The following NRG1 variants were observed in gnomAD, a reference collection of about 807,000 sequenced individuals.
The protein encoded by NRG1 is neuregulin 1, also known as pro-neuregulin-1, membrane-bound isoform.
A neutral mutation model predicts 63.8 loss-of-function variants in NRG1; 18 were observed. The ratio of observed to expected loss-of-function variants is 0.28; its 90% CI spans 0.19 to 0.42. The LOEUF is 0.42. Ranked by LOEUF, NRG1 falls within the 10% of genes least tolerant of loss-of-function variation. The pLI is 1.00. For synonymous variants in NRG1, 302 were observed against 301.3 expected (o/e 1.00, Z -0.02); for missense variants, 762 against 814.7 (o/e 0.94, Z 0.79).
At chr8:32,771,123 T>C (rs1348272033), downstream of NRG1, among the ~76,000 whole-genome samples, 1 of 152,090 alleles carries the variant, frequency 6.6e-6, no homozygotes, top group Non-Finnish European at 1.5e-5. Flanking sequence ...TTTGGTTTTG[T>C]TTTCTGAGAC....
intron 1 of NRG1, among the ~76,000 whole-genome samples, chr8:31,928,127 G>A (rs1042119627): frequency 2.0e-5 from 3 of 151,472 alleles, no homozygotes; most frequent in African/African-American, 7.3e-5. Context: ...AGCAGGATAT[G>A]GTTGTGTGAC....
rs575750756 is a variant in NRG1 at position 32,253,301 on chromosome 8, T to C, written c.38-342527T>C. 9.2e-5 allele frequency among the ~76,000 whole-genome samples: 14 copies of C among 152,310 alleles called. No homozygotes were observed. In the Middle Eastern group the frequency reaches 0.01, roughly 111 times the overall value. On this transcript the variant is annotated intron_variant, in intron 1 of 10. Transcript: ENST00000519301. ...TTTTCAAATGCTTCCTGTTTTTGCC[T>C]ATTCAGTATGATATTGCCTGGGGGG...
chr8:31,985,992 C>G (rs984977534), intron 1 of NRG1, among the ~76,000 whole-genome samples: 2 of 152,032 alleles, frequency 1.3e-5, no homozygotes, highest in Admixed American at 1.3e-4. Flanking sequence ...TAGCAAATTG[C>G]ATTATTAGAC....
At chr8:32,668,082 G>A (rs1376615848) in intron 5 of NRG1, among the ~76,000 whole-genome samples, 3 of 152,000 alleles carry the variant, frequency 2.0e-5, no homozygotes, top group Non-Finnish European at 1.5e-5. Flanking sequence ...GTGTAATGGT[G>A]GGTGCCTGTA....
intron 2 of NRG1, among the ~76,000 whole-genome samples, chr8:32,598,654 T>G (rs528992720): frequency 6.6e-6 from 1 of 152,224 alleles, no homozygotes; most frequent in Admixed American, 6.5e-5. Context: ...GATGCAACCA[T>G]AAATCACTCG....
intron 1 of NRG1, among the ~76,000 whole-genome samples, chr8:32,428,550 G>A (rs1229511165): frequency 2.0e-5 from 3 of 152,178 alleles, no homozygotes; most frequent in East Asian, 3.9e-4. Context: ...TCTGCTTAAC[G>A]GTTTCACACT....
chr8:31,871,151 GT>G (rs950138405), intron 1 of NRG1, among the ~76,000 whole-genome samples: 10 of 151,850 alleles, frequency 6.6e-5, no homozygotes, highest in African/African-American at 2.4e-4. Context: ...CAATTTTTGT[GT>G]TTTTAGTAGA....
At chr8:31,829,003 G>C (rs1319748604) in intron 1 of NRG1, among the ~76,000 whole-genome samples, 5 of 152,182 alleles carry the variant, frequency 3.3e-5, no homozygotes, top group African/African-American at 1.2e-4. Context: ...ACAATGCGGA[G>C]ACAGGGCCTC....
At chr8:32,631,829 A>G (rs1377971192) in intron 5 of NRG1, among the ~76,000 whole-genome samples, 1 of 152,152 alleles carries the variant, frequency 6.6e-6, no homozygotes, top group Non-Finnish European at 1.5e-5. Flanking sequence ...ATTGGACCTG[A>G]TTTACTACTC....
intron 1 of NRG1, among the ~76,000 whole-genome samples, chr8:32,174,036 C>T (rs1195533636): frequency 1.3e-5 from 2 of 152,316 alleles, no homozygotes; most frequent in East Asian, 3.9e-4. Context: ...ACAGAATATA[C>T]ATTCTTCTCA....
At chr8:31,843,968 TA>T (rs898355898) in intron 1 of NRG1, among the ~76,000 whole-genome samples, 6 of 152,216 alleles carry the variant, frequency 3.9e-5, no homozygotes, top group Admixed American at 6.5e-5. Context: ...CAATAACAGC[TA>T]ATGTTCATTG....
At chr8:32,396,537 C>T (rs1289920829) in intron 1 of NRG1, among the ~76,000 whole-genome samples, 1 of 152,156 alleles carries the variant, frequency 6.6e-6, no homozygotes, top group African/African-American at 2.4e-5. Flanking sequence ...CAACCTCCAC[C>T]TCCCAGGCTG....
intron 1 of NRG1, among the ~76,000 whole-genome samples, chr8:32,050,016 G>A (rs571235192): frequency 1.3e-5 from 2 of 152,238 alleles, no homozygotes; most frequent in African/African-American, 4.8e-5. Flanking sequence ...GAAAAAGCTT[G>A]CATTTGGTTA....
At chr8:32,031,669 TTC>T (rs1818275081) in intron 1 of NRG1, among the ~76,000 whole-genome samples, 1 of 152,168 alleles carries the variant, frequency 6.6e-6, no homozygotes, top group African/African-American at 2.4e-5. Context: ...TGTCCATGTG[TTC>T]TTATTGTTCA....
intron 6 of NRG1, among the ~76,000 whole-genome samples, chr8:32,732,318 A>C (rs1823889609): frequency 6.6e-6 from 1 of 152,354 alleles, no homozygotes; most frequent in South Asian, 2.1e-4. Flanking sequence ...GAAATCAAAC[A>C]TGAAATTGTC....
chr8:32,403,109 G>T (rs1206710989), intron 1 of NRG1, among the ~76,000 whole-genome samples: 1 of 151,916 alleles, frequency 6.6e-6, no homozygotes, highest in African/African-American at 2.4e-5. Context: ...GACCAGCCTG[G>T]GCAAGATGGT....
chr8:32,483,405 C>A (rs1825534829), intron 1 of NRG1, among the ~76,000 whole-genome samples: 1 of 152,196 alleles, frequency 6.6e-6, no homozygotes, highest in Non-Finnish European at 1.5e-5. Context: ...GATGTCAAAT[C>A]ATTTGACCTC....
intron 1 of NRG1, among the ~76,000 whole-genome samples, chr8:31,652,148 C>A (rs572759284): frequency 2.0e-5 from 3 of 152,284 alleles, no homozygotes; most frequent in South Asian, 2.1e-4. Context: ...AACCCCTCAC[C>A]ATATGGCAGC....
chr8:32,514,348 T>G (rs1462221266), intron 1 of NRG1, among the ~76,000 whole-genome samples: 1 of 152,202 alleles, frequency 6.6e-6, no homozygotes, highest in Non-Finnish European at 1.5e-5. Context: ...TGTAGTGCTT[T>G]ACCATTTTCA....
Sources: allele counts gnomAD v4.1 joint callset (sites outside exome capture counted in the v4.1 genomes callset), GRCh38; gene constraint gnomAD v4.1.1; transcripts MANE v1.5; gene names NCBI Gene and HGNC (gene_info 2026-07-23, HGNC 2026-07-21).